The following MYH1 variants were observed in gnomAD, a reference collection of about 807,000 sequenced individuals.
MYH1 encodes the protein myosin heavy chain 1.
Under a neutral mutation model 225.6 loss-of-function variants are expected in MYH1, and 214 were observed. The observed-to-expected ratio is 0.95, with a 90% CI of 0.85 to 1.06. MYH1 has a LOEUF of 1.06. MYH1 is among the 50% of genes least tolerant of loss of function. The pLI is 0.00. For synonymous variants in MYH1, 774 were observed against 842.3 expected, an observed-to-expected ratio of 0.92 and a Z score of 1.40; for missense variants, 2,098 against 2,344.2, an observed-to-expected ratio of 0.89 and a Z score of 2.17.
intron 25 of MYH1, 31 bp downstream of exon 25, chr17:10,501,735 C>T (rs752013373): frequency 1.1e-5 from 18 of 1,613,764 alleles, no homozygotes; most frequent in Non-Finnish European, 1.5e-5. Flanking sequence ...GAGTAATTTC[C>T]CCACAAAACT....
rs2073182056 is a variant in MYH1, at chr17:10,512,552, A to G, written c.1009-6T>C. 6.2e-7 allele frequency: 1 copy of G among 1,614,082 alleles called. No individual in the cohort carries two copies. The highest frequency in any genetic ancestry group is 8.5e-7 in the Non-Finnish European group (1 of 1,179,968). On this transcript the variant is annotated splice_region_variant and splice_polypyrimidine_tract_variant and intron_variant, in intron 11 of 39. Coordinates refer to ENST00000226207, the MANE Select transcript of MYH1 (RefSeq NM_005963.4). ...CCCAGAATTTCAATGGCACTCTACC[A>G]TGAGAGATGAGAAGACAAAGATTAG... is the stretch of plus-strand genomic sequence containing the variant.
rs1269228506 is a variant in MYH1, at chr17:10,495,061, G to T, written c.5336C>A (p.Thr1779Asn). ...MAEELKKEQD[T>N]SAHLERMKKN... ...CTTCATCCGCTCCAGATGGGCGCTG[G>T]TGTCCTGTTCCTTCTTCAGCTCCTC... Residue 1779 changes from threonine to asparagine, a missense_variant, in exon 37 of 40, where the codon ACC becomes AAC. By Grantham distance (65) the Thr-to-Asn change is moderately conservative. Coordinates refer to ENST00000226207, the MANE Select transcript of MYH1 (RefSeq NM_005963.4). 1 of 1,614,084 alleles carries T rather than the reference G, an allele frequency of 6.2e-7. No homozygotes were observed. Among genetic ancestry groups the T allele is most frequent in the Non-Finnish European group, 8.5e-7 (1 of 1,180,048 alleles).
chr17:10,498,881 G>C (rs2073023677), intron 29 of MYH1, 59 bp from the exon 30 acceptor site: 3 of 1,607,964 alleles, frequency 1.9e-6, no homozygotes, highest in Non-Finnish European at 1.7e-6. Flanking sequence ...TTTGATTCCT[G>C]ATCTCCTATA....
chr17:10,495,008 G>A lies in MYH1; in HGVS notation c.5389C>T (p.Leu1797=), dbSNP rs764580949. 1.3e-5 allele frequency: 21 copies of A among 1,614,088 alleles called. No homozygotes were observed. Among genetic ancestry groups the A allele is most frequent in the Non-Finnish European group, 1.7e-5 (20 of 1,180,056 alleles). Residue 1797 remains leucine (L), a synonymous_variant, in exon 37 of 40, where the codon CTG becomes TTG. Transcript: ENST00000226207. ...KKNLEQTVKD[L]QHRLDEAEQL... ...TCAGCCTCATCCAGACGATGCTGCAGGTCCTTCACCGTCTGTTCCAGGTTC... is the reference window on the plus strand; with the variant it reads ...TCAGCCTCATCCAGACGATGCTGCAAGTCCTTCACCGTCTGTTCCAGGTTC...
chr17:10,516,525 CAAAGA>C lies in MYH1; in HGVS notation c.113_117del (p.Val38GlyfsTer5). 6.2e-7 allele frequency: 1 copy of C among 1,614,202 alleles called. No homozygotes were observed. The highest frequency in any genetic ancestry group is 8.5e-7 in the Non-Finnish European group (1 of 1,180,042). The stretch of plus-strand genomic sequence containing the variant: ...ACAAAGGACTCCTTAGGGTCCACCA[CAAAGA>C]CTGATGTCTTGGCATCAAAAGGCTT... On this transcript the variant is annotated frameshift_variant, in exon 3 of 40. Transcript: ENST00000226207. LOFTEE classifies it high-confidence loss of function.
Position 10,507,894 on chromosome 17 carries a change from G to C in MYH1, c.1960C>G (p.Leu654Val), listed in dbSNP as rs2073128957. Residue 654 changes from leucine to valine, a missense_variant, in exon 17 of 40, where the codon CTC (leucine) becomes GTC (valine). Physicochemically the swap from Leu to Val is conservative, Grantham distance 32. Coordinates refer to ENST00000226207, the MANE Select transcript of MYH1 (RefSeq NM_005963.4). ...KGSSFQTVSA[L>V]FRENLNKLMT... Reference sequence around the variant, plus strand: ...GAAAATGAAGTTTGTACCCTGAAGAGAGCAGACACAGTCTGGAAAGAAGAA... The same window carrying C: ...GAAAATGAAGTTTGTACCCTGAAGACAGCAGACACAGTCTGGAAAGAAGAA... 2 of 1,612,336 alleles carry C rather than the reference G, an allele frequency of 1.2e-6. No homozygotes were observed. Among genetic ancestry groups the C allele is most frequent in the Non-Finnish European group, 1.7e-6 (2 of 1,178,770 alleles).
At position 10,516,436 on chromosome 17, in the gene MYH1, C is replaced by T. The variant is rs774917237; in HGVS notation, c.204+3G>A. On this transcript the variant is annotated splice_donor_region_variant and intron_variant, in intron 3 of 39. Coordinates refer to ENST00000226207, the MANE Select transcript of MYH1 (RefSeq NM_005963.4). Reference sequence around the variant, plus strand: ...CTAATCAGCTCCAGGTGTTTTTACTCACAGCTCCAGCTTCGGTCTTAGCTG... The same window carrying T: ...CTAATCAGCTCCAGGTGTTTTTACTTACAGCTCCAGCTTCGGTCTTAGCTG... 1.2e-6 allele frequency: 2 copies of T among 1,614,216 alleles called. No homozygotes were observed. Among genetic ancestry groups the T allele is most frequent in the Admixed American group, 3.3e-5 (2 of 60,026 alleles).
intron 18 of MYH1, 34 bp downstream of exon 18, chr17:10,505,978 A>C (rs1376820175): frequency 6.2e-7 from 1 of 1,614,070 alleles, no homozygotes; most frequent in African/African-American, 1.3e-5. Context: ...TCACACACAC[A>C]CTGGAGCTTG....
At chr17:10,512,234 G>T in intron 12 of MYH1, 42 bp from the exon 13 acceptor site, 3 of 1,599,554 alleles carry the variant, frequency 1.9e-6, no homozygotes, top group Non-Finnish European at 2.6e-6. Flanking sequence ...ACTTACTCTG[G>T]GACCCACAGT....
In MYH1 at chr17:10,508,485, T is replaced by C; in HGVS notation, c.1775A>G (p.Asn592Ser). Reference protein sequence around the residue: ...LIHYAGTVDYNIAGWLDKNKD... With the variant: ...LIHYAGTVDYSIAGWLDKNKD... ...GTTCTTGTCAAGCCAGCCGGCAATG[T>C]TGTAGTCCACGGTGCCAGCATAGTG... Residue 592 changes from asparagine to serine, a missense_variant, in exon 16 of 40, where the codon AAC (asparagine) becomes AGC (serine). Coordinates refer to ENST00000226207, the MANE Select transcript of MYH1 (RefSeq NM_005963.4). 6.2e-7 allele frequency: 1 copy of C among 1,614,170 alleles called. No individual in the cohort carries two copies. The highest frequency in any genetic ancestry group is 8.5e-7 in the Non-Finnish European group (1 of 1,180,030).
chr17:10,512,343 A>G, intron 12 of MYH1, 65 bp downstream of exon 12: 5 of 1,613,452 alleles, frequency 3.1e-6, no homozygotes, highest in Non-Finnish European at 4.2e-6. Context: ...AGAAGACTTG[A>G]ATTTTGGAAT....
intron 2 of MYH1, among the ~76,000 whole-genome samples, chr17:10,517,687 G>A (rs992252865): frequency 2.0e-5 from 3 of 151,756 alleles, no homozygotes; most frequent in Non-Finnish European, 4.4e-5. Flanking sequence ...ATCATGTTTC[G>A]TATTGTGTGT....
Position 10,497,199 on chromosome 17 carries a change from G to T in MYH1, c.4532-6C>A, listed in dbSNP as rs755228482. The T allele has an allele frequency of 1.9e-6, 3 of 1,602,272 alleles. No individual in the cohort carries two copies. In the Admixed American group the frequency reaches 5.3e-5, roughly 28 times the overall value. On this transcript the variant is annotated splice_polypyrimidine_tract_variant and splice_region_variant and intron_variant, in intron 32 of 39. Transcript: ENST00000226207. ...AGTGAGATCAGAAATCTCCTCTGTT[G>T]GTGAACAAAAAATATAGAAATTTGT...
intron 1 of MYH1, 62 bp downstream of exon 1, chr17:10,518,458 C>T (rs896517223): frequency 3.3e-5 from 5 of 152,290 alleles, no homozygotes; most frequent in Admixed American, 1.3e-4. Flanking sequence ...GTGGCATGCA[C>T]GCGGGCAGCC....
rs377298185 is a variant in MYH1 at position 10,501,715 on chromosome 17, G to A, written c.3258-31C>T. 5 of 1,613,898 alleles carry A rather than the reference G, an allele frequency of 3.1e-6. No individual in the cohort carries two copies. The African/African-American group carries it at 5.3e-5, about 17-fold the overall frequency. On this transcript the variant is annotated intron_variant, in intron 25 of 39. Transcript: ENST00000226207. ...AGAAAAGCCCTTTATGTCAGTCTCA[G>A]AAATATTAAGAGTAATTTCCCCACA...
chr17:10,495,799 A>G (rs2072985746), intron 35 of MYH1, 151 bp downstream of exon 35: 8 of 673,090 alleles, frequency 1.2e-5, no homozygotes, highest in South Asian at 2.6e-5. Flanking sequence ...GTTATAGTTC[A>G]GATAAGAATA....
chr17:10,492,563 T>G lies in MYH1; in HGVS notation c.5673A>C (p.Glu1891Asp), dbSNP rs776950904. 6.2e-7 allele frequency: 1 copy of G among 1,610,236 alleles called. No homozygotes were observed. The highest frequency in any genetic ancestry group is 8.5e-7 in the Non-Finnish European group (1 of 1,178,844). ...SYKRQAEEAE[E>D]QSNVNLSKFR... ...ATTTGGAGAGGTTGACGTTGGATTG[T>G]TCCTCCTGTGAATGGAAATCCATTT... Residue 1891 changes from glutamate to aspartate, a missense_variant, in exon 40 of 40, where the codon GAA becomes GAC. Coordinates refer to ENST00000226207, the MANE Select transcript of MYH1 (RefSeq NM_005963.4).
chr17:10,502,402 C>T (rs1482989430), intron 24 of MYH1, among the ~76,000 whole-genome samples: 1 of 151,996 alleles, frequency 6.6e-6, no homozygotes, highest in African/African-American at 2.4e-5. Context: ...CTTAGAACAC[C>T]CTCCCTCTTC....
At position 10,516,284 on chromosome 17, in the gene MYH1, A is replaced by C. The variant is rs1300548626; in HGVS notation, c.263T>G (p.Ile88Ser). 3.7e-6 allele frequency: 6 copies of C among 1,614,176 alleles called. No homozygotes were observed. The highest frequency in any genetic ancestry group is 5.1e-6 in the Non-Finnish European group (6 of 1,180,042). Residue 88 changes from isoleucine (I) to serine (S), a missense_variant, in exon 4 of 40, where the codon ATC becomes AGC. Ile to Ser is a moderately radical substitution (Grantham distance 142). Transcript: ENST00000226207. ...FPMNPPKYDK[I>S]EDMAMMTHLH... ...ATGAGTCATCATGGCCATGTCCTCG[A>C]TCTTGTCATATTTGGGAGGGTTCAT...
Sources: gnomAD v4.1 joint callset for allele counts (sites outside exome capture counted in the v4.1 genomes callset) on GRCh38, gnomAD v4.1.1 for gene constraint, MANE v1.5 for transcripts, NCBI Gene and HGNC (gene_info 2026-07-23, HGNC 2026-07-21) for gene names.